Variants in DYNC2H1 observed in about 807,000 individuals in gnomAD.
The protein encoded by DYNC2H1 is dynein cytoplasmic 2 heavy chain 1, also known as cytoplasmic dynein 2 heavy chain 1.
In DYNC2H1, 410 loss-of-function variants were observed where a neutral mutation model predicts 570.0. That is an observed-to-expected ratio of 0.72 (90% CI 0.66 to 0.78). The LOEUF (loss-of-function observed/expected upper bound fraction) is 0.78. Among genes scored for constraint, DYNC2H1 ranks in the 30% least tolerant of loss-of-function variants. The pLI, the probability that DYNC2H1 is intolerant of heterozygous loss-of-function variation, is 0.00. For missense variants in DYNC2H1, 4,865 were observed against 5,046.4 expected, an observed-to-expected ratio of 0.96 and a Z score of 1.09; for synonymous variants, 1,688 against 1,677.6, an observed-to-expected ratio of 1.01 and a Z score of -0.15.
chr11:103,324,505 G>C lies in DYNC2H1; in HGVS notation c.12039+515G>C, dbSNP rs1938369092. Among the ~76,000 whole-genome samples, 1 of 152,166 alleles carries C rather than the reference G, an allele frequency of 6.6e-6. No homozygotes were observed. The highest frequency in any genetic ancestry group is 2.4e-5 in the African/African-American group (1 of 41,426). ...TCCTTGCTGTGAAGGACATGGTCTT[G>C]CTCCAGCTCCTTCACTTCCTTGCTG... On this transcript the variant is annotated intron_variant, in intron 82 of 88. Transcript: ENST00000375735. This position sits in a 1 kb window ranked among gnomAD's most constrained non-coding sequence, Gnocchi z 5.2.
intron 77 of DYNC2H1, 38 bp downstream of exon 77, chr11:103,304,758 C>G: frequency 6.3e-7 from 1 of 1,586,194 alleles, no homozygotes; most frequent in Non-Finnish European, 8.6e-7. Flanking sequence ...ATCTATTATA[C>G]TCAACTTAGC....
At chr11:103,124,289 A>G (rs908726690) in intron 11 of DYNC2H1, among the ~76,000 whole-genome samples, 1 of 151,848 alleles carries the variant, frequency 6.6e-6, no homozygotes, top group East Asian at 1.9e-4. Context: ...TCTACAAAAG[A>G]CAAAAAAATT....
intron 55 of DYNC2H1, 28 bp from the exon 56 acceptor site, chr11:103,219,887 T>C: frequency 1.6e-6 from 2 of 1,288,452 alleles, no homozygotes; most frequent in Non-Finnish European, 2.1e-6. Flanking sequence ...TTAAAATTGA[T>C]TGGAATGCCA....
chr11:103,399,716 T>C lies in DYNC2H1; in HGVS notation c.12210T>C (p.Ser4070=). 1 of 1,613,816 alleles carries C rather than the reference T, an allele frequency of 6.2e-7. No individual in the cohort carries two copies. Among genetic ancestry groups the C allele is most frequent in the Non-Finnish European group, 8.5e-7 (1 of 1,179,820 alleles). The change falls in exon 84 of 89, where the codon TCT becomes TCC. Residue 4070 remains serine (S), a synonymous_variant. Coordinates refer to ENST00000375735, the MANE Select transcript of DYNC2H1 (RefSeq NM_001377.3). The part of the protein sequence containing the change: ...KVPPPNDRQG[S]PILSFIILEQ... ...CTCCTCCTAACGATCGACAAGGATC[T>C]CCAATACTGTCATTCATCATTCTTG...
At chr11:103,458,047 TAA>T (rs1343245656) in intron 87 of DYNC2H1, among the ~76,000 whole-genome samples, 1 of 152,220 alleles carries the variant, frequency 6.6e-6, no homozygotes, top group African/African-American at 2.4e-5. Context: ...ACAGTGTTTA[TAA>T]AGTCTACAGT....
chr11:103,120,110 T>G (rs1367378117), intron 6 of DYNC2H1, among the ~76,000 whole-genome samples: 1 of 152,212 alleles, frequency 6.6e-6, no homozygotes, highest in Non-Finnish European at 1.5e-5. Context: ...AAGGGTAGGC[T>G]CTAAAAATTT....
rs752196931 is a variant in DYNC2H1, at chr11:103,215,806, C to A, written c.8780C>A (p.Thr2927Lys). ...GGAGAACAAAGTGTGTTACTTAAAACGAAGCAAGATGAAGCAGATGCTGCC... is the reference window on the plus strand; with the variant it reads ...GGAGAACAAAGTGTGTTACTTAAAAAGAAGCAAGATGAAGCAGATGCTGCC... ...KAGEQSVLLK[T>K]KQDEADAALQ... Residue 2927 changes from threonine (T) to lysine (K), a missense_variant, in exon 55 of 89, where the codon ACG (threonine) becomes AAG (lysine). Around this residue, in one of 5 missense-constraint regions of DYNC2H1, gnomAD observed 2,401 missense variants for 2,454.6 expected, o/e 0.98. Coordinates refer to ENST00000375735, the MANE Select transcript of DYNC2H1 (RefSeq NM_001377.3). 1.9e-6 allele frequency: 3 copies of A among 1,612,428 alleles called. No homozygotes were observed. The highest frequency in any genetic ancestry group is 1.7e-6 in the Non-Finnish European group (2 of 1,179,148).
chr11:103,378,483 G>A (rs1941494710), intron 83 of DYNC2H1, among the ~76,000 whole-genome samples: 1 of 152,198 alleles, frequency 6.6e-6, no homozygotes, highest in Non-Finnish European at 1.5e-5. Context: ...CAAATGGAGA[G>A]TAGATTTTCA....
At chr11:103,428,173 C>G in intron 84 of DYNC2H1, among the ~76,000 whole-genome samples, 1 of 138,312 alleles carries the variant, frequency 7.2e-6, no homozygotes, top group East Asian at 2.2e-4. Flanking sequence ...TATGGTCTCT[C>G]TATAACATGA....
At chr11:103,173,710 C>T (rs761747947) in intron 35 of DYNC2H1, among the ~76,000 whole-genome samples, 14 of 151,860 alleles carry the variant, frequency 9.2e-5, no homozygotes, top group Non-Finnish European at 1.6e-4. Flanking sequence ...CAATTCTCTT[C>T]CATATCACTT....
rs989065093 is a variant in DYNC2H1, at chr11:103,166,197, T to C, written c.4762+149T>C. 6.5e-5 allele frequency: 36 copies of C among 551,354 alleles called. No individual in the cohort carries two copies. The East Asian group carries it at 1.2e-3, about 19-fold the overall frequency. The allele number at this position is 551,354 out of a possible 1,614,324, so 34.2% of individuals were successfully genotyped here. ...ATATACTTAAATTTTTATAATGTAC[T>C]TTGAATCAGTAATTTACTAATTTAA... is the stretch of plus-strand genomic sequence containing the variant. On this transcript the variant is annotated intron_variant, in intron 31 of 88. Transcript: ENST00000375735.
intron 84 of DYNC2H1, among the ~76,000 whole-genome samples, chr11:103,431,203 T>TATCA (rs964213077): frequency 2.2e-5 from 3 of 138,064 alleles, no homozygotes; most frequent in African/African-American, 8.5e-5. Context: ...TCAACTTCTC[T>TATCA]ATCATTTAGT....
chr11:103,122,693 C>T lies in DYNC2H1; in HGVS notation c.1486-132C>T, dbSNP rs544100003. 3.2e-4 allele frequency: 247 copies of T among 778,554 alleles called. 5 individuals are homozygous for T. In the South Asian group the frequency reaches 3.3e-3, roughly 10 times the overall value. The allele number at this position is 778,554 out of a possible 1,614,324, so 48.2% of individuals were successfully genotyped here. On this transcript the variant is annotated intron_variant, in intron 10 of 88. Transcript: ENST00000375735. ...GATATTTTTATATTCTTTGGTGAATCTTCCGTTTCACTGTTTATAGATGAA... is the reference window on the plus strand; with the variant it reads ...GATATTTTTATATTCTTTGGTGAATTTTCCGTTTCACTGTTTATAGATGAA...
chr11:103,476,559 AG>A (rs2135871388), intron 88 of DYNC2H1, among the ~76,000 whole-genome samples: 1 of 152,360 alleles, frequency 6.6e-6, no homozygotes, highest in Admixed American at 6.5e-5. Context: ...ACAGATAATT[AG>A]AAAAATTTAG....
intron 75 of DYNC2H1, 176 bp downstream of exon 75, chr11:103,287,781 G>T: frequency 3.4e-6 from 2 of 595,142 alleles, no homozygotes; most frequent in Non-Finnish European, 5.5e-6. Context: ...GCTGGGCATG[G>T]TGGCTCATTC....
intron 10 of DYNC2H1, 114 bp downstream of exon 10, chr11:103,121,610 C>T: frequency 1.7e-6 from 2 of 1,183,328 alleles, no homozygotes; most frequent in Non-Finnish European, 2.3e-6. Flanking sequence ...CTTGGCATGT[C>T]TGTCTAATTT....
intron 75 of DYNC2H1, among the ~76,000 whole-genome samples, chr11:103,298,875 T>C (rs907133571): frequency 7.2e-5 from 11 of 152,176 alleles, no homozygotes; most frequent in Non-Finnish European, 1.5e-4. Flanking sequence ...TAGTCTTGAT[T>C]TGAATATTTA....
In DYNC2H1 at chr11:103,143,315, G is replaced by A. The variant is rs780692171; in HGVS notation, c.2622G>A (p.Lys874=). The change falls in exon 18 of 89, where the codon AAG becomes AAA. Residue 874 remains lysine (K), a synonymous_variant. Coordinates refer to ENST00000375735, the MANE Select transcript of DYNC2H1 (RefSeq NM_001377.3). The stretch of plus-strand genomic sequence containing the variant: ...TTGATATGGAAGCTCTGGTGGAAAA[G>A]CATCTTTTTACTGTACATGATTGGG... ...GQVDMEALVE[K]HLFTVHDWEK... 14 of 1,613,478 alleles carry A rather than the reference G, an allele frequency of 8.7e-6. No homozygotes were observed. The South Asian group carries it at 1.2e-4, about 14-fold the overall frequency.
In DYNC2H1 at chr11:103,477,638, T is replaced by C. The variant is rs576025326; in HGVS notation, c.12766-1457T>C. On this transcript the variant is annotated intron_variant, in intron 88 of 88. Coordinates refer to ENST00000375735, the MANE Select transcript of DYNC2H1 (RefSeq NM_001377.3). ...CGAGGTCAGGAGATGGAGACCATCC[T>C]GGCTAACACAGTGAAACCCTGTCTC... Among the ~76,000 whole-genome samples, 11 of 152,064 alleles carry C rather than the reference T, an allele frequency of 7.2e-5. 1 individual carries two copies. In the South Asian group the frequency reaches 2.3e-3, roughly 32 times the overall value.
Sources: gnomAD v4.1 joint callset for allele counts (sites outside exome capture counted in the v4.1 genomes callset) on GRCh38, gnomAD v4.1.1 for gene constraint, gnomAD v4.1.1 regional missense constraint, Gnocchi (gnomAD v3.1) non-coding constraint, MANE v1.5 for transcripts, NCBI Gene and HGNC (gene_info 2026-07-23, HGNC 2026-07-21) for gene names.